The following CFAP43 variants were observed in gnomAD, a reference collection of about 807,000 sequenced individuals.
The protein encoded by CFAP43 is cilia and flagella associated protein 43, also known as cilia- and flagella-associated protein 43.
A neutral mutation model predicts 218.9 loss-of-function variants in CFAP43; 155 were observed. That is an observed-to-expected ratio of 0.71 (90% CI 0.62 to 0.81). CFAP43 has a LOEUF of 0.81. Among genes scored for constraint, CFAP43 ranks in the 30% least tolerant of loss-of-function variants. The pLI is 0.00. For missense variants in CFAP43, 1,778 were observed against 1,954.3 expected (o/e 0.91, Z 1.70); for synonymous variants, 645 against 681.3 (o/e 0.95, Z 0.83).
At chr10:104,146,148 A>G in intron 30 of CFAP43, 115 bp downstream of exon 30, 1 of 775,518 alleles carries the variant, frequency 1.3e-6, no homozygotes, top group Non-Finnish European at 2.1e-6. Flanking sequence ...ATAGCTGAGA[A>G]TTAAGTGGGA....
intron 12 of CFAP43, among the ~76,000 whole-genome samples, chr10:104,190,135 C>CAAAAAAA (rs59257656): frequency 2.0e-5 from 1 of 50,768 alleles, no homozygotes; most frequent in Admixed American, 2.2e-4. Context: ...GACTCCATCT[C>CAAAAAAA]AAAAAAAAAA....
chr10:104,158,974 T>C (rs2088725481), intron 27 of CFAP43, among the ~76,000 whole-genome samples: 1 of 152,188 alleles, frequency 6.6e-6, no homozygotes, highest in African/African-American at 2.4e-5. Flanking sequence ...GTACTATTCA[T>C]GTAACATTTA....
chr10:104,215,481 C>T (rs2090988079), intron 3 of CFAP43, among the ~76,000 whole-genome samples: 2 of 152,260 alleles, frequency 1.3e-5, no homozygotes, highest in Non-Finnish European at 2.9e-5. Context: ...GATCCTTTGA[C>T]TTTTTGCATC....
chr10:104,182,787 C>G (rs2089897457), intron 16 of CFAP43, among the ~76,000 whole-genome samples: 1 of 152,082 alleles, frequency 6.6e-6, no homozygotes, highest in African/African-American at 2.4e-5. Flanking sequence ...TCACAGCTTA[C>G]TGCAGCCTCG....
In CFAP43 at chr10:104,162,321, A is replaced by G. The variant is rs1403320632; in HGVS notation, c.3329T>C (p.Ile1110Thr). The G allele has an allele frequency of 1.4e-5, 22 of 1,613,794 alleles. No individual in the cohort carries two copies. The highest frequency in any genetic ancestry group is 1.8e-5 in the Non-Finnish European group (21 of 1,179,736). ...VNHEKEHWLL[I>T]QDASTRLRAL... The stretch of plus-strand genomic sequence containing the variant: ...GTGTTAAGCAAAGCTACATGCCTGT[A>G]TCAGAAGCCAGTGCTCCTTTTCATG... Residue 1110 changes from isoleucine (I) to threonine (T), a missense_variant, in exon 25 of 38, where the codon ATA becomes ACA. Ile to Thr is a moderately conservative substitution (Grantham distance 89). This residue lies in a region of CFAP43 where 1,553 missense variants were observed against 1,685.2 expected (regional missense o/e 0.92). Coordinates refer to ENST00000357060, the MANE Select transcript of CFAP43 (RefSeq NM_025145.7).
At position 104,166,595 on chromosome 10, in the gene CFAP43, G is replaced by A. The variant is rs1465218015; in HGVS notation, c.2932C>T (p.Leu978=). 3 of 1,613,980 alleles carry A rather than the reference G, an allele frequency of 1.9e-6. No individual in the cohort carries two copies. The highest frequency in any genetic ancestry group is 2.5e-6 in the Non-Finnish European group (3 of 1,180,024). ...AAATCAGTACTCAGACTACCAAGCA[G>A]GTAATTGGGCAAATTGCTATATTTT... ...TVKYSNLPNY[L]LGSLSTDFGV... The change falls in exon 23 of 38, where the codon CTG becomes TTG. Residue 978 remains leucine, a synonymous_variant. Coordinates refer to ENST00000357060, the MANE Select transcript of CFAP43 (RefSeq NM_025145.7).
intron 22 of CFAP43, 111 bp downstream of exon 22, chr10:104,167,510 A>G (rs1235353343): frequency 1.5e-6 from 1 of 686,438 alleles, no homozygotes; most frequent in East Asian, 3.0e-5. Flanking sequence ...ATAAAAATAT[A>G]AATACATACA....
In CFAP43 at chr10:104,194,119, T is replaced by C. The variant is rs971230952; in HGVS notation, c.1294-105A>G. 9.4e-6 allele frequency: 13 copies of C among 1,377,010 alleles called. No homozygotes were observed. In the African/African-American group the frequency reaches 1.3e-4, roughly 14 times the overall value. 85.3% of individuals were successfully genotyped at this position (1,377,010 alleles called of 1,614,324 possible). On this transcript the variant is annotated intron_variant, in intron 10 of 37. Transcript: ENST00000357060. ...TGAAAAGCCTGCAGGATGAGAAAAGTGGCAAGTGTTGTGTGGTGGGGTCTT... is the reference window on the plus strand; with the variant it reads ...TGAAAAGCCTGCAGGATGAGAAAAGCGGCAAGTGTTGTGTGGTGGGGTCTT...
chr10:104,152,810 G>A, intron 27 of CFAP43, 84 bp from the exon 28 acceptor site: 1 of 1,474,920 alleles, frequency 6.8e-7, no homozygotes. Flanking sequence ...CCACAAGGGA[G>A]GGGCAGATGG....
Position 104,232,241 on chromosome 10 carries a change from C to A in CFAP43, c.6G>T (p.Ala2=), listed in dbSNP as rs1219604553. The stretch of plus-strand genomic sequence containing the variant: ...GGCCTTCGTCGCGCTCCCGGCCTTG[C>A]GCCATGGGCAGTGTTTTCCTCAGGC... M[A]QGRERDEGPH... is the part of the protein sequence containing the mutation. The change falls in exon 1 of 38, where the codon GCG becomes GCT. Residue 2 remains alanine (A), a synonymous_variant. Coordinates refer to ENST00000357060, the MANE Select transcript of CFAP43 (RefSeq NM_025145.7). The A allele has an allele frequency of 6.2e-7, 1 of 1,605,102 alleles. No individual in the cohort carries two copies. Among genetic ancestry groups the A allele is most frequent in the East Asian group, 2.3e-5 (1 of 44,430 alleles).
chr10:104,201,825 ATTC>A (rs1172907404), intron 8 of CFAP43, among the ~76,000 whole-genome samples: 1 of 151,898 alleles, frequency 6.6e-6, no homozygotes. Flanking sequence ...CCTGAAGTAA[ATTC>A]TTTAGAATTT....
Position 104,182,480 on chromosome 10 carries a change from C to T in CFAP43, c.2175G>A (p.Leu725=), listed in dbSNP as rs576127258. 3 of 1,610,944 alleles carry T rather than the reference C, an allele frequency of 1.9e-6. No individual in the cohort carries two copies. In the African/African-American group the frequency reaches 4.0e-5, roughly 22 times the overall value. ...RFGGHLASEI[L]DYYQKLLISL... Reference sequence around the variant, plus strand: ...AAATTAATAGTTTCTGGTAATAGTCCAGAATTTCACTGGCTAGGTGTCCTC... The same window carrying T: ...AAATTAATAGTTTCTGGTAATAGTCTAGAATTTCACTGGCTAGGTGTCCTC... Residue 725 remains leucine (L), a synonymous_variant, in exon 17 of 38, where the codon CTG becomes CTA. Transcript: ENST00000357060.
chr10:104,191,794 G>T (rs1018585692), intron 12 of CFAP43, among the ~76,000 whole-genome samples: 65 of 148,570 alleles, frequency 4.4e-4, no homozygotes, highest in Non-Finnish European at 5.5e-4. Flanking sequence ...GTGTGTGGGG[G>T]GGGGGAAACA....
intron 3 of CFAP43, among the ~76,000 whole-genome samples, chr10:104,224,138 G>A (rs1307861151): frequency 1.3e-5 from 2 of 152,046 alleles, no homozygotes; most frequent in East Asian, 3.9e-4. Context: ...CCGCCTCCCG[G>A]GTTCACGCCA....
intron 2 of CFAP43, among the ~76,000 whole-genome samples, chr10:104,227,908 G>A (rs962711557): frequency 1.4e-5 from 2 of 138,876 alleles, no homozygotes; most frequent in Non-Finnish European, 3.0e-5. Context: ...GTGCAGTGGC[G>A]TGATCTCGGC....
At position 104,172,417 on chromosome 10, in the gene CFAP43, A is replaced by G. The variant is rs536056453; in HGVS notation, c.2579T>C (p.Val860Ala). 213 of 1,607,888 alleles carry G rather than the reference A, an allele frequency of 1.3e-4. 4 individuals are homozygous for G. The South Asian group carries it at 2.3e-3, about 17-fold the overall frequency. ...ERLHDESQEE[V>A]AKMIKDVEMH... ...AATTATACTTTTTCATACCTTTGCC[A>G]CTTCTTCCTGACTTTCATCATGAAG... The change falls in exon 20 of 38, where the codon GTG (valine) becomes GCG (alanine). Residue 860 changes from valine (V) to alanine (A), a missense_variant. Transcript: ENST00000357060.
intron 3 of CFAP43, among the ~76,000 whole-genome samples, chr10:104,220,922 T>A (rs993465872): frequency 3.9e-5 from 6 of 151,962 alleles, no homozygotes; most frequent in Admixed American, 1.3e-4. Flanking sequence ...ATGTAACCAC[T>A]ACTTTTTCTA....
intron 34 of CFAP43, among the ~76,000 whole-genome samples, chr10:104,135,453 T>C (rs1303865666): frequency 6.6e-6 from 1 of 152,150 alleles, no homozygotes; most frequent in Non-Finnish European, 1.5e-5. Context: ...TATTCACAGA[T>C]TAATGAGTCT....
chr10:104,203,838 CT>C, intron 7 of CFAP43, 35 bp from the exon 8 acceptor site: 1 of 1,562,154 alleles, frequency 6.4e-7, no homozygotes, highest in Non-Finnish European at 8.6e-7. Context: ...GAAAATCAGT[CT>C]TAGTCAATGC....
Sources: allele counts gnomAD v4.1 joint callset (sites outside exome capture counted in the v4.1 genomes callset), GRCh38; gene constraint gnomAD v4.1.1; regional missense constraint gnomAD v4.1.1; transcripts MANE v1.5; gene names NCBI Gene and HGNC (gene_info 2026-07-23, HGNC 2026-07-21).